PCDH9: variants seen among roughly 807,000 people sequenced by gnomAD.
PCDH9 encodes protocadherin-9.
A neutral mutation model predicts 70.6 loss-of-function variants in PCDH9; 24 were observed. That is an observed-to-expected ratio of 0.34 (90% CI 0.25 to 0.48). PCDH9 has a LOEUF of 0.48. PCDH9 is among the 20% of genes least tolerant of loss of function. The pLI, the probability that PCDH9 is intolerant of heterozygous loss-of-function variation, is 0.99. For synonymous variants in PCDH9, 562 were observed against 558.5 expected (o/e 1.01, Z -0.09); for missense variants, 1,281 against 1,503.6 (o/e 0.85, Z 2.45).
intron 4 of PCDH9, among the ~76,000 whole-genome samples, chr13:66,482,433 C>T (rs1958858607): frequency 6.6e-6 from 1 of 152,146 alleles, no homozygotes; most frequent in African/African-American, 2.4e-5. Flanking sequence ...TAGGAGACTT[C>T]TCATGTTGCT....
intron 2 of PCDH9, among the ~76,000 whole-genome samples, chr13:67,066,687 T>C (rs1384136694): frequency 1.3e-5 from 2 of 152,210 alleles, no homozygotes; most frequent in Non-Finnish European, 2.9e-5. Context: ...TTTTTTATTA[T>C]ATTAGTTTAA....
chr13:66,937,931 T>C (rs902533282), intron 2 of PCDH9, among the ~76,000 whole-genome samples: 2 of 152,124 alleles, frequency 1.3e-5, no homozygotes, highest in Admixed American at 1.3e-4. Flanking sequence ...CATTGCTCAA[T>C]AAAACTCCTT....
intron 3 of PCDH9, among the ~76,000 whole-genome samples, chr13:66,765,618 A>C (rs2079703335): frequency 6.6e-6 from 1 of 152,104 alleles, no homozygotes; most frequent in Non-Finnish European, 1.5e-5. Context: ...CTGGTTTACA[A>C]AGTAATTTAA....
intron 4 of PCDH9, among the ~76,000 whole-genome samples, chr13:66,505,848 T>C (rs1959206883): frequency 6.6e-6 from 1 of 152,060 alleles, no homozygotes. Context: ...GGTATTGCTA[T>C]GCTGCCGAGG....
At chr13:66,631,569 C>T (rs1200063186) in intron 3 of PCDH9, among the ~76,000 whole-genome samples, 158 bp from the exon 4 acceptor site, 1 of 152,116 alleles carries the variant, frequency 6.6e-6, no homozygotes, top group African/African-American at 2.4e-5. Flanking sequence ...AATTACTTGC[C>T]ATTTACTATG....
chr13:67,104,347 G>A (rs1432226600), intron 2 of PCDH9, among the ~76,000 whole-genome samples: 1 of 152,124 alleles, frequency 6.6e-6, no homozygotes, highest in South Asian at 2.1e-4. Flanking sequence ...TCTTAGACAC[G>A]TGGAGCATTG....
chr13:66,663,850 CAT>C (rs1456873996), intron 3 of PCDH9, among the ~76,000 whole-genome samples: 1 of 152,158 alleles, frequency 6.6e-6, no homozygotes, highest in Non-Finnish European at 1.5e-5. Flanking sequence ...TAAAATGAGG[CAT>C]ATGTTAAATC....
intron 2 of PCDH9, chr13:67,201,500 A>G (rs1193394882): frequency 6.6e-6 from 1 of 152,012 alleles, no homozygotes; most frequent in Non-Finnish European, 1.5e-5. Context: ...TAAATCATTT[A>G]TCACAGGGAG....
intron 4 of PCDH9, among the ~76,000 whole-genome samples, chr13:66,345,547 G>T (rs938357292): frequency 6.6e-6 from 1 of 152,092 alleles, no homozygotes; most frequent in African/African-American, 2.4e-5. Flanking sequence ...CAGGCAACGA[G>T]GCCCTTCAAG....
chr13:66,588,775 T>C (rs965168918), intron 4 of PCDH9, among the ~76,000 whole-genome samples: 6 of 144,502 alleles, frequency 4.2e-5, no homozygotes, highest in Admixed American at 7.3e-5. Flanking sequence ...GTATGATATA[T>C]GCCATGTAAT....
At chr13:66,599,648 G>T (rs1287489517) in intron 4 of PCDH9, among the ~76,000 whole-genome samples, 1 of 151,632 alleles carries the variant, frequency 6.6e-6, no homozygotes, top group Non-Finnish European at 1.5e-5. Flanking sequence ...CCAGGCTCAG[G>T]TTAAATTGAA....
intron 3 of PCDH9, among the ~76,000 whole-genome samples, chr13:66,822,772 T>G (rs188288163): frequency 2.0e-5 from 3 of 152,170 alleles, no homozygotes; most frequent in Admixed American, 1.3e-4. Flanking sequence ...CACCTCCCAG[T>G]GCTGGGATTA....
intron 2 of PCDH9, among the ~76,000 whole-genome samples, chr13:67,029,560 G>A (rs1280399608): frequency 6.6e-6 from 1 of 152,130 alleles, no homozygotes; most frequent in African/African-American, 2.4e-5. Context: ...CTAGAAAGCA[G>A]CTTCCTTTAC....
At chr13:67,046,192 T>A (rs2085218642) in intron 2 of PCDH9, among the ~76,000 whole-genome samples, 1 of 152,188 alleles carries the variant, frequency 6.6e-6, no homozygotes, top group African/African-American at 2.4e-5. Flanking sequence ...TGTGGGCTTC[T>A]CCAGCAGTTA....
chr13:66,904,656 C>T (rs931409373), intron 2 of PCDH9, among the ~76,000 whole-genome samples: 22 of 151,852 alleles, frequency 1.4e-4, no homozygotes, highest in Non-Finnish European at 2.4e-4. Flanking sequence ...TGAAATGCTA[C>T]CTTTACTATC....
intron 3 of PCDH9, among the ~76,000 whole-genome samples, chr13:66,636,259 A>C (rs1391180801): frequency 1.3e-5 from 2 of 152,140 alleles, no homozygotes. Context: ...GTTTATCTTC[A>C]TCACTTATAG....
At chr13:67,020,002 T>C (rs2084643762) in intron 2 of PCDH9, among the ~76,000 whole-genome samples, 1 of 152,248 alleles carries the variant, frequency 6.6e-6, no homozygotes, top group Non-Finnish European at 1.5e-5. Flanking sequence ...AAAATTATTT[T>C]ATGTTTGATG....
intron 4 of PCDH9, among the ~76,000 whole-genome samples, chr13:66,584,417 TAAC>T (rs2076935389): frequency 6.6e-6 from 1 of 152,110 alleles, no homozygotes; most frequent in Non-Finnish European, 1.5e-5. Flanking sequence ...ATATTACTGC[TAAC>T]AACAACCTAG....
chr13:67,201,874 T>C (rs1386518000), intron 2 of PCDH9: 2 of 152,040 alleles, frequency 1.3e-5, no homozygotes, highest in East Asian at 1.9e-4. Context: ...TATAGAATAG[T>C]ATTATAAGAA....
Sources: allele counts gnomAD v4.1 joint callset (sites outside exome capture counted in the v4.1 genomes callset), GRCh38; gene constraint gnomAD v4.1.1; transcripts MANE v1.5; gene names NCBI Gene and HGNC (gene_info 2026-07-23, HGNC 2026-07-21).